Variants in C2orf42 observed in about 807,000 individuals in gnomAD.
C2orf42 encodes the protein uncharacterized protein C2orf42.
Under a neutral mutation model 58.9 loss-of-function variants are expected in C2orf42, and 44 were observed. The observed-to-expected ratio is 0.75, with a 90% CI of 0.59 to 0.96. The LOEUF is 0.96. Ranked by LOEUF, C2orf42 falls within the 40% of genes least tolerant of loss-of-function variation. The probability of loss-of-function intolerance (pLI) is 0.00; values close to 1 mark genes in which losing one functional copy is unlikely to be tolerated. For synonymous variants in C2orf42, 239 were observed against 265.4 expected, an observed-to-expected ratio of 0.90 and a Z score of 0.97; for missense variants, 630 against 699.2, an observed-to-expected ratio of 0.90 and a Z score of 1.12.
intron 9 of C2orf42, among the ~76,000 whole-genome samples, chr2:70,151,937 C>T (rs1672340941): frequency 6.6e-6 from 1 of 151,926 alleles, no homozygotes; most frequent in Admixed American, 6.6e-5. Context: ...CCACCATGTC[C>T]AGCTAATTTT....
chr2:70,165,313 A>G, intron 7 of C2orf42, 121 bp from the exon 8 acceptor site: 1 of 664,094 alleles, frequency 1.5e-6, no homozygotes, highest in East Asian at 2.7e-5. Context: ...GCACTTTTAA[A>G]AAGAAATTCT....
intron 9 of C2orf42, among the ~76,000 whole-genome samples, chr2:70,155,341 T>C (rs909345270): frequency 2.0e-5 from 3 of 152,152 alleles, no homozygotes; most frequent in African/African-American, 7.2e-5. Context: ...AAAATTCTTT[T>C]ATAGAGATGG....
intron 1 of C2orf42, among the ~76,000 whole-genome samples, chr2:70,185,747 A>G (rs1674888479): frequency 6.6e-6 from 1 of 150,772 alleles, no homozygotes. Context: ...ACACACACAA[A>G]CACACACACA....
At position 70,150,135 on chromosome 2, in the gene C2orf42, C is replaced by A; in HGVS notation, c.*221G>T. The A allele has an allele frequency of 1.8e-6, 1 of 560,976 alleles. No individual in the cohort carries two copies. The highest frequency in any genetic ancestry group is 3.2e-6 in the Non-Finnish European group (1 of 315,230). The allele number at this position is 560,976 out of a possible 1,614,324, so 34.7% of individuals were successfully genotyped here. On this transcript the variant is annotated 3_prime_UTR_variant, in exon 10 of 10. Coordinates refer to ENST00000264434, the MANE Select transcript of C2orf42 (RefSeq NM_017880.3). ...CCTTTTAAAACTCTAGCCAGAAATA[C>A]TGCCCAATGCATAATGAAGACTGTA... is the stretch of plus-strand genomic sequence containing the variant.
Position 70,159,325 on chromosome 2 carries a change from C to T in C2orf42, c.1516+1300G>A, listed in dbSNP as rs542510604. Among the ~76,000 whole-genome samples, 14 of 152,084 alleles carry T rather than the reference C, an allele frequency of 9.2e-5. No homozygotes were observed. The South Asian group carries it at 2.9e-3, about 32-fold the overall frequency. On this transcript the variant is annotated intron_variant, in intron 9 of 9. Transcript: ENST00000264434. Reference sequence around the variant, plus strand: ...ATTTAGGGCCCGGCCTGGTGGCTCACACCTGTAGTCCTAGCACTTTGGGGG... The same window carrying T: ...ATTTAGGGCCCGGCCTGGTGGCTCATACCTGTAGTCCTAGCACTTTGGGGG...
chr2:70,163,180 A>G (rs1466460787), intron 8 of C2orf42, among the ~76,000 whole-genome samples: 4 of 151,170 alleles, frequency 2.6e-5, no homozygotes, highest in African/African-American at 9.7e-5. Context: ...AATTTTCTAC[A>G]TAATTCTATT....
In C2orf42 at chr2:70,150,336, G is replaced by A; in HGVS notation, c.*20C>T. ...GGGATGTGCAAATTAAGCAGCAAAA[G>A]ATTATTATCTTGTTTTGCTTTAAGG... On this transcript the variant is annotated 3_prime_UTR_variant, in exon 10 of 10. Coordinates refer to ENST00000264434, the MANE Select transcript of C2orf42 (RefSeq NM_017880.3). 1 of 1,603,850 alleles carries A rather than the reference G, an allele frequency of 6.2e-7. No individual in the cohort carries two copies. The highest frequency in any genetic ancestry group is 8.5e-7 in the Non-Finnish European group (1 of 1,172,364).
At chr2:70,155,198 G>A (rs989461839) in intron 9 of C2orf42, among the ~76,000 whole-genome samples, 10 of 151,834 alleles carry the variant, frequency 6.6e-5, no homozygotes, top group African/African-American at 1.7e-4. Context: ...GAGCAAGATC[G>A]CACCACTGCA....
chr2:70,159,789 AG>A (rs1572977175), intron 9 of C2orf42, among the ~76,000 whole-genome samples: 1 of 151,962 alleles, frequency 6.6e-6, no homozygotes, highest in East Asian at 1.9e-4. Context: ...CTGCTGCCTC[AG>A]CCCCCAAAGC....
At chr2:70,189,630 T>C (rs1025591680) in intron 1 of C2orf42, among the ~76,000 whole-genome samples, 12 of 145,830 alleles carry the variant, frequency 8.2e-5, no homozygotes, top group African/African-American at 3.1e-4. Flanking sequence ...GGCAGGAGAA[T>C]GGCGTGAACC....
intron 9 of C2orf42, among the ~76,000 whole-genome samples, chr2:70,153,935 C>G (rs1291862278): frequency 6.6e-6 from 1 of 151,246 alleles, no homozygotes; most frequent in Non-Finnish European, 1.5e-5. Context: ...GCGGGCTAAT[C>G]CCAGCTACTC....
intron 9 of C2orf42, among the ~76,000 whole-genome samples, chr2:70,158,495 G>T (rs1229403341): frequency 1.3e-5 from 2 of 151,978 alleles, no homozygotes. Flanking sequence ...TCTCGCCCAG[G>T]CTGAAGTGCA....
Position 70,160,320 on chromosome 2 carries a change from A to G in C2orf42, c.1516+305T>C, listed in dbSNP as rs557500396. The stretch of plus-strand genomic sequence containing the variant: ...ATGCCTGGCTAAGTTTTGTATTTTT[A>G]TAGTAGAGACTGGGTTTCACCATGT... On this transcript the variant is annotated intron_variant, in intron 9 of 9. Transcript: ENST00000264434. 5.3e-5 allele frequency among the ~76,000 whole-genome samples: 8 copies of G among 151,846 alleles called. No individual in the cohort carries two copies. In the South Asian group the frequency reaches 1.5e-3, roughly 28 times the overall value.
chr2:70,158,849 C>T (rs1224575164), intron 9 of C2orf42, among the ~76,000 whole-genome samples: 1 of 151,718 alleles, frequency 6.6e-6, no homozygotes, highest in Admixed American at 6.6e-5. Context: ...GCCTAGGCCT[C>T]CCAAAGTGCT....
intron 9 of C2orf42, among the ~76,000 whole-genome samples, chr2:70,156,822 A>T (rs1402824495): frequency 6.6e-6 from 1 of 151,714 alleles, no homozygotes; most frequent in Admixed American, 6.6e-5. Flanking sequence ...TGATTGTGCC[A>T]CTGCACTCCA....
In C2orf42 at chr2:70,169,658, C is replaced by T; in HGVS notation, c.1043G>A (p.Cys348Tyr). 6.4e-7 allele frequency: 1 copy of T among 1,562,358 alleles called. No individual in the cohort carries two copies. Among genetic ancestry groups the T allele is most frequent in the African/African-American group, 1.4e-5 (1 of 73,848 alleles). Residue 348 changes from cysteine to tyrosine, a missense_variant, in exon 6 of 10, where the codon TGT (cysteine) becomes TAT (tyrosine). Cys to Tyr is a radical substitution (Grantham distance 194). Transcript: ENST00000264434. ...TTGTGCCTCATCTAACAGCTGACCACAGGCTAGGGAAAAAAAAACCACACA... is the reference window on the plus strand; with the variant it reads ...TTGTGCCTCATCTAACAGCTGACCATAGGCTAGGGAAAAAAAAACCACACA... ...VVASSLKRQA[C>Y]GQLLDEAQVT...
chr2:70,150,083 G>C lies in C2orf42; in HGVS notation c.*273C>G, dbSNP rs1672212240. The C allele has an allele frequency of 4.1e-6, 2 of 483,130 alleles. No homozygotes were observed. The highest frequency in any genetic ancestry group is 7.5e-6 in the Non-Finnish European group (2 of 266,922). The allele number at this position is 483,130 out of a possible 1,614,324, so 29.9% of individuals were successfully genotyped here. A position where few individuals can be genotyped will look rare whatever the true frequency, so the allele number is the denominator to read the frequency against. ...AACGCTAAAGATGAGTCCGTAAGAA[G>C]GAAAATAAGCTGGTTTTCTTTCTGT... is the stretch of plus-strand genomic sequence containing the variant. On this transcript the variant is annotated 3_prime_UTR_variant, in exon 10 of 10. Transcript: ENST00000264434.
At chr2:70,155,225 G>C (rs1672587276) in intron 9 of C2orf42, among the ~76,000 whole-genome samples, 1 of 151,862 alleles carries the variant, frequency 6.6e-6, no homozygotes, top group South Asian at 2.1e-4. Context: ...CCTGGTGTCA[G>C]AGCAAGACTC....
At position 70,169,548 on chromosome 2, in the gene C2orf42, A is replaced by G; in HGVS notation, c.1144+9T>C. On this transcript the variant is annotated intron_variant, in intron 6 of 9. Coordinates refer to ENST00000264434, the MANE Select transcript of C2orf42 (RefSeq NM_017880.3). ...TCAGCAAGAGCCCAGTTAGATGAACAATACTTACCATCAAACTGATAGTGC... is the reference window on the plus strand; with the variant it reads ...TCAGCAAGAGCCCAGTTAGATGAACGATACTTACCATCAAACTGATAGTGC... 7.1e-7 allele frequency: 1 copy of G among 1,409,474 alleles called. No homozygotes were observed. Among genetic ancestry groups the G allele is most frequent in the Non-Finnish European group, 1.0e-6 (1 of 994,192 alleles). The allele number at this position is 1,409,474 out of a possible 1,614,324, so 87.3% of individuals were successfully genotyped here. A position where few individuals can be genotyped will look rare whatever the true frequency, so the allele number is the denominator to read the frequency against.
Sources: gnomAD v4.1 joint callset for allele counts (sites outside exome capture counted in the v4.1 genomes callset) on GRCh38, gnomAD v4.1.1 for gene constraint, MANE v1.5 for transcripts, NCBI Gene and HGNC (gene_info 2026-07-23, HGNC 2026-07-21) for gene names.